Variants in DIXDC1 observed in about 807,000 individuals in gnomAD.
DIXDC1 encodes the protein DIX domain containing 1.
In DIXDC1, 64 loss-of-function variants were observed where a neutral mutation model predicts 103.1. That is an observed-to-expected ratio of 0.62 (90% CI 0.51 to 0.76). The LOEUF (loss-of-function observed/expected upper bound fraction) is 0.76. Among genes scored for constraint, DIXDC1 ranks in the 30% least tolerant of loss-of-function variants. DIXDC1 has a pLI of 0.00. For synonymous variants in DIXDC1, 266 were observed against 298.5 expected (o/e 0.89, Z 1.12); for missense variants, 759 against 834.2 (o/e 0.91, Z 1.11).
Position 111,989,026 on chromosome 11 carries a change from C to T in DIXDC1, c.1084C>T (p.Gln362Ter). 6.2e-7 allele frequency: 1 copy of T among 1,611,186 alleles called. No homozygotes were observed. Among genetic ancestry groups the T allele is most frequent in the African/African-American group, 1.3e-5 (1 of 74,926 alleles). Residue 362 changes from glutamine to a stop codon, truncating the protein, a stop_gained, in exon 10 of 20, where the codon CAA becomes TAA. Coordinates refer to ENST00000440460, the MANE Select transcript of DIXDC1 (RefSeq NM_001037954.4). LOFTEE classifies it high-confidence loss of function. ...DLKKELLKCK[Q>*]EARNLQGIKD... ...GCAGAAGGAACTGCTGAAATGTAAA[C>T]AAGAAGCCAGAAACTTACAGGGGAT...
At chr11:111,970,120 A>ATC (rs1272022782) in intron 3 of DIXDC1, among the ~76,000 whole-genome samples, 2 of 152,104 alleles carry the variant, frequency 1.3e-5, no homozygotes, top group African/African-American at 4.8e-5. Context: ...CAGTGTCGTG[A>ATC]TCTCACCTCA....
chr11:111,992,285 C>CTT (rs1340962948), intron 10 of DIXDC1, 130 bp from the exon 11 acceptor site: 1 of 803,922 alleles, frequency 1.2e-6, no homozygotes, highest in African/African-American at 1.7e-5. Flanking sequence ...TGGCAAGACC[C>CTT]TTTACCCCAT....
chr11:111,949,338 C>G (rs188659444), intron 1 of DIXDC1, among the ~76,000 whole-genome samples: 22 of 152,164 alleles, frequency 1.4e-4, no homozygotes, highest in Admixed American at 1.4e-3. Context: ...ATTGACTTTT[C>G]CCAGTGCTTG....
intron 6 of DIXDC1, 88 bp from the exon 7 acceptor site, chr11:111,982,251 T>C (rs1555173296): frequency 6.9e-7 from 1 of 1,453,244 alleles, no homozygotes; most frequent in Non-Finnish European, 9.3e-7. Context: ...GCAGGTGACC[T>C]GAACCTGTGA....
At chr11:111,982,529 A>G in intron 7 of DIXDC1, 42 bp downstream of exon 7, 4 of 1,595,140 alleles carry the variant, frequency 2.5e-6, no homozygotes, top group South Asian at 1.1e-5. Flanking sequence ...ATACCAATTG[A>G]TTATTAAGTC....
At chr11:111,942,176 A>C (rs1966442058) in intron 1 of DIXDC1, among the ~76,000 whole-genome samples, 1 of 152,100 alleles carries the variant, frequency 6.6e-6, no homozygotes, top group Non-Finnish European at 1.5e-5. Flanking sequence ...CTTCATTCCC[A>C]CAGGAGGCAA....
At chr11:111,969,314 A>T (rs1383451859) in intron 3 of DIXDC1, among the ~76,000 whole-genome samples, 1 of 152,050 alleles carries the variant, frequency 6.6e-6, no homozygotes, top group Non-Finnish European at 1.5e-5. Context: ...TAATTTTAGA[A>T]TTTCTCATTT....
At chr11:111,999,067 T>C (rs1860988423) in intron 17 of DIXDC1, among the ~76,000 whole-genome samples, 1 of 152,198 alleles carries the variant, frequency 6.6e-6, no homozygotes, top group African/African-American at 2.4e-5. Context: ...CAAAGTAATA[T>C]TGAAGAATTT....
intron 17 of DIXDC1, among the ~76,000 whole-genome samples, chr11:112,014,177 A>C (rs1861515953): frequency 6.6e-6 from 1 of 152,218 alleles, no homozygotes; most frequent in African/African-American, 2.4e-5. Flanking sequence ...ACTACTGCAC[A>C]GGATTTCTGG....
At chr11:111,987,872 C>A (rs1860550061) in intron 9 of DIXDC1, among the ~76,000 whole-genome samples, 1 of 151,880 alleles carries the variant, frequency 6.6e-6, no homozygotes, top group Non-Finnish European at 1.5e-5. Flanking sequence ...GTTGGCCAGG[C>A]TTGTCTTGAA....
chr11:111,948,822 TC>T (rs1555169605), intron 1 of DIXDC1, among the ~76,000 whole-genome samples: 2 of 152,102 alleles, frequency 1.3e-5, no homozygotes, highest in African/African-American at 4.8e-5. Context: ...CCTCCGCACT[TC>T]CCCACACTCC....
rs1230224750 is a variant in DIXDC1 at position 111,937,660 on chromosome 11, C to G, written c.60+101C>G. On this transcript the variant is annotated intron_variant, in intron 1 of 19. Coordinates refer to ENST00000440460, the MANE Select transcript of DIXDC1 (RefSeq NM_001037954.4). ...CTCCTCCTCCATCCTTTGGGGACCC[C>G]AGAGCAAATCGCCCCCAGAACCCCA... 3 of 1,235,412 alleles carry G rather than the reference C, an allele frequency of 2.4e-6. No individual in the cohort carries two copies. The East Asian group carries it at 7.8e-5, about 32-fold the overall frequency. 76.5% of individuals were successfully genotyped at this position (1,235,412 alleles called of 1,614,324 possible).
intron 1 of DIXDC1, among the ~76,000 whole-genome samples, chr11:111,940,535 G>T (rs1966384020): frequency 6.9e-6 from 1 of 144,578 alleles, no homozygotes; most frequent in Admixed American, 6.7e-5. Context: ...AGTGTTTTTT[G>T]GGGGGCTGAA....
At chr11:112,015,005 C>T (rs1464216491) in intron 17 of DIXDC1, among the ~76,000 whole-genome samples, 1 of 152,032 alleles carries the variant, frequency 6.6e-6, no homozygotes, top group Admixed American at 6.5e-5. Flanking sequence ...CTGCCTCAGC[C>T]TCCCAGGTAG....
In DIXDC1 at chr11:112,021,239, G is replaced by T. The variant is rs587595490; in HGVS notation, c.*2203G>T. On this transcript the variant is annotated 3_prime_UTR_variant, in exon 20 of 20. Transcript: ENST00000440460. ...TGCCTCCATAAAAAGCTTAAGTTGA[G>T]TTCATGGGAGAACATTAAGATCGTT... The T allele has an allele frequency of 2.0e-5, 3 of 152,312 alleles. No individual in the cohort carries two copies. The highest frequency in any genetic ancestry group is 2.0e-4 in the Admixed American group (3 of 15,304). 9.4% of individuals were successfully genotyped at this position (152,312 alleles called of 1,614,324 possible).
chr11:111,977,255 T>A lies in DIXDC1; in HGVS notation c.656+2272T>A, dbSNP rs1555172714. On this transcript the variant is annotated intron_variant, in intron 5 of 19. Coordinates refer to ENST00000440460, the MANE Select transcript of DIXDC1 (RefSeq NM_001037954.4). The surrounding 1 kb of genome is among the most constrained non-coding windows in gnomAD (Gnocchi z 6.1). ...GAGCTGGCTTGGGTCGGAGCCCGGC[T>A]GCCTCGCCGCGTGTGACAGCCCAGG... The A allele has an allele frequency of 1.0e-6, 1 of 1,001,106 alleles. No homozygotes were observed. Among genetic ancestry groups the A allele is most frequent in the African/African-American group, 1.8e-5 (1 of 57,126 alleles). 62.0% of individuals were successfully genotyped at this position (1,001,106 alleles called of 1,614,324 possible). A position where few individuals can be genotyped will look rare whatever the true frequency, so the allele number is the denominator to read the frequency against.
intron 1 of DIXDC1, among the ~76,000 whole-genome samples, chr11:111,944,087 A>G (rs1370021599): frequency 6.6e-6 from 1 of 152,196 alleles, no homozygotes; most frequent in African/African-American, 2.4e-5. Context: ...ATAATAACAT[A>G]AGGTTTTTAA....
At chr11:111,943,087 T>G (rs1483423564) in intron 1 of DIXDC1, among the ~76,000 whole-genome samples, 1 of 152,160 alleles carries the variant, frequency 6.6e-6, no homozygotes, top group Non-Finnish European at 1.5e-5. Context: ...CAAGATTTCA[T>G]CACACTACTC....
At chr11:111,975,463 A>G (rs782704486) in intron 5 of DIXDC1, 22 of 1,004,510 alleles carry the variant, frequency 2.2e-5, no homozygotes, top group Non-Finnish European at 2.6e-5. Context: ...ACTGTGGCTG[A>G]TTAGTATGTG....
Sources: gnomAD v4.1 joint callset for allele counts (sites outside exome capture counted in the v4.1 genomes callset) on GRCh38, gnomAD v4.1.1 for gene constraint, Gnocchi (gnomAD v3.1) non-coding constraint, MANE v1.5 for transcripts, NCBI Gene and HGNC (gene_info 2026-07-23, HGNC 2026-07-21) for gene names.